Variants in TCF7L1 observed in about 807,000 individuals in gnomAD.
TCF7L1 encodes the protein transcription factor 7 like 1.
Under a neutral mutation model 63.7 loss-of-function variants are expected in TCF7L1, and 18 were observed. The observed-to-expected ratio is 0.28, with a 90% CI of 0.20 to 0.42. TCF7L1 has a LOEUF of 0.42. Among genes scored for constraint, TCF7L1 ranks in the 10% least tolerant of loss-of-function variants. TCF7L1 has a pLI of 1.00. For missense variants in TCF7L1, 654 were observed against 779.3 expected (o/e 0.84, Z 1.91); for synonymous variants, 355 against 340.9 (o/e 1.04, Z -0.46).
Position 85,248,604 on chromosome 2 carries a change from C to T in TCF7L1, c.442-34891C>T, listed in dbSNP as rs184428712. Among the ~76,000 whole-genome samples the T allele has an allele frequency of 3.1e-4, 47 of 152,236 alleles. 1 individual carries two copies. The East Asian group carries it at 7.5e-3, about 24-fold the overall frequency. On this transcript the variant is annotated intron_variant, in intron 3 of 11. Coordinates refer to ENST00000282111, the MANE Select transcript of TCF7L1 (RefSeq NM_031283.3). The stretch of plus-strand genomic sequence containing the variant: ...CTGACAACATTTGTTTAATTTTTAT[C>T]GTTGTGGGGCCTTTTGGGAGGGAGG...
chr2:85,304,309 C>T lies in TCF7L1; in HGVS notation c.816C>T (p.Pro272=), dbSNP rs753802902. 34 of 1,613,994 alleles carry T rather than the reference C, an allele frequency of 2.1e-5. No homozygotes were observed. Among genetic ancestry groups the T allele is most frequent in the Admixed American group, 6.7e-5 (4 of 59,992 alleles). The change falls in exon 7 of 12, where the codon CCC becomes CCT. Residue 272 remains proline (P), a synonymous_variant. Coordinates refer to ENST00000282111, the MANE Select transcript of TCF7L1 (RefSeq NM_031283.3). Reference sequence around the variant, plus strand: ...CCGGTGGCTTCCGGCACCCTTACCCCGCCCTCGCCATGAACGCCTCGATGT... The same window carrying T: ...CCGGTGGCTTCCGGCACCCTTACCCTGCCCTCGCCATGAACGCCTCGATGT... ...LPPGGFRHPY[P]ALAMNASMSS...
chr2:85,144,171 T>C (rs79698221), intron 3 of TCF7L1, among the ~76,000 whole-genome samples: 2 of 152,306 alleles, frequency 1.3e-5, no homozygotes, highest in East Asian at 1.9e-4. Context: ...TATTTCCTTA[T>C]GGTTCATCTT....
At chr2:85,184,519 T>G (rs1451705840) in intron 3 of TCF7L1, among the ~76,000 whole-genome samples, 1 of 152,162 alleles carries the variant, frequency 6.6e-6, no homozygotes, top group Admixed American at 6.5e-5. Flanking sequence ...TCCTTGGTGG[T>G]TCTGGTGTCT....
intron 3 of TCF7L1, among the ~76,000 whole-genome samples, chr2:85,224,766 T>C (rs1679921096): frequency 6.6e-6 from 1 of 152,244 alleles, no homozygotes; most frequent in South Asian, 2.1e-4. Context: ...TATCTTTTGC[T>C]GTGCAGAAGC....
At chr2:85,192,806 G>A (rs1472161593) in intron 3 of TCF7L1, among the ~76,000 whole-genome samples, 1 of 151,472 alleles carries the variant, frequency 6.6e-6, no homozygotes, top group African/African-American at 2.4e-5. Flanking sequence ...TCCCGAGTAA[G>A]TGGGATACAG....
chr2:85,283,625 C>CCTTTGG, intron 4 of TCF7L1, 47 bp downstream of exon 4: 1 of 1,593,246 alleles, frequency 6.3e-7, no homozygotes, highest in Non-Finnish European at 8.6e-7. Context: ...TATTAGTGGC[C>CCTTTGG]TCATCCCATG....
rs778046248 is a variant in TCF7L1, at chr2:85,309,072, GC to G, written c.1383del (p.Glu462ArgfsTer141). Reference sequence around the variant, plus strand: ...GCAAGAAGCCATGTGTTCAGTACCTGCCCCCCGAGAAGCCCTGTGACAGCCC... The same window carrying G: ...GCAAGAAGCCATGTGTTCAGTACCTGCCCCCGAGAAGCCCTGTGACAGCCC... Reference protein sequence around the residue: ...KSKKPCVQYLPPEKPCDSPAS... With the variant: ...KSKKPCVQYLXPEKPCDSPAS... On this transcript the variant is annotated frameshift_variant, in exon 12 of 12. Transcript: ENST00000282111. LOFTEE classifies it high-confidence loss of function. 1.9e-6 allele frequency: 3 copies of G among 1,611,872 alleles called. No homozygotes were observed. The highest frequency in any genetic ancestry group is 2.5e-6 in the Non-Finnish European group (3 of 1,179,200).
At chr2:85,180,403 C>G (rs1051321450) in intron 3 of TCF7L1, among the ~76,000 whole-genome samples, 1 of 151,848 alleles carries the variant, frequency 6.6e-6, no homozygotes, top group Non-Finnish European at 1.5e-5. Context: ...TGTGTGAGCC[C>G]AGCTACCTGG....
intron 3 of TCF7L1, among the ~76,000 whole-genome samples, chr2:85,140,487 T>C (rs1308625980): frequency 1.3e-5 from 2 of 151,648 alleles, no homozygotes; most frequent in Non-Finnish European, 2.9e-5. Flanking sequence ...TTTTCCTCCA[T>C]GGTGGAAGCT....
chr2:85,176,486 G>C (rs1478902447), intron 3 of TCF7L1, among the ~76,000 whole-genome samples: 1 of 152,138 alleles, frequency 6.6e-6, no homozygotes, highest in Non-Finnish European at 1.5e-5. Flanking sequence ...CCATTCCACT[G>C]TCTGGAGTCC....
At chr2:85,270,750 C>T (rs932910889) in intron 3 of TCF7L1, among the ~76,000 whole-genome samples, 8 of 151,004 alleles carry the variant, frequency 5.3e-5, no homozygotes, top group South Asian at 4.2e-4. Flanking sequence ...AGTGCAGTGG[C>T]GCAATCACAG....
At chr2:85,151,461 G>A (rs1678012512) in intron 3 of TCF7L1, among the ~76,000 whole-genome samples, 1 of 152,020 alleles carries the variant, frequency 6.6e-6, no homozygotes, top group African/African-American at 2.4e-5. Flanking sequence ...AATAGATGTT[G>A]TTTTCCATCA....
At position 85,306,672 on chromosome 2, in the gene TCF7L1, A is replaced by G. The variant is rs1242225269; in HGVS notation, c.1257+113A>G. On this transcript the variant is annotated intron_variant, in intron 10 of 11. Transcript: ENST00000282111. The surrounding 1 kb of genome is among the most constrained non-coding windows in gnomAD (Gnocchi z 4.3). The stretch of plus-strand genomic sequence containing the variant: ...ATTTTTATTTATTTTATTTTCTTTT[A>G]TTTTTTGAGACAGAGGCTCACCCTG... The G allele has an allele frequency of 4.4e-6, 4 of 913,774 alleles. No homozygotes were observed. The highest frequency in any genetic ancestry group is 3.3e-5 in the African/African-American group (2 of 59,800). The allele number at this position is 913,774 out of a possible 1,614,324, so 56.6% of individuals were successfully genotyped here.
At chr2:85,286,704 A>G (rs933537079) in intron 4 of TCF7L1, among the ~76,000 whole-genome samples, 2 of 152,144 alleles carry the variant, frequency 1.3e-5, no homozygotes, top group African/African-American at 4.8e-5. Flanking sequence ...CACGTTGGTC[A>G]GACTGGTCTC....
chr2:85,240,905 G>A (rs987615784), intron 3 of TCF7L1, among the ~76,000 whole-genome samples: 7 of 152,134 alleles, frequency 4.6e-5, no homozygotes, highest in Non-Finnish European at 5.9e-5. Context: ...AGAGAAAAAT[G>A]TGTTTCTTTC....
intron 3 of TCF7L1, among the ~76,000 whole-genome samples, chr2:85,254,565 G>T (rs558221519): frequency 2.0e-5 from 3 of 152,162 alleles, no homozygotes; most frequent in Non-Finnish European, 2.9e-5. Context: ...CCAGCACCCC[G>T]ATCCACATTA....
chr2:85,261,222 AT>A (rs1680851171), intron 3 of TCF7L1, among the ~76,000 whole-genome samples: 1 of 149,194 alleles, frequency 6.7e-6, no homozygotes, highest in African/African-American at 2.5e-5. Context: ...TATTAGTAGA[AT>A]TTTTTCAGCC....
At chr2:85,232,124 G>A (rs1573001792) in intron 3 of TCF7L1, among the ~76,000 whole-genome samples, 1 of 152,156 alleles carries the variant, frequency 6.6e-6, no homozygotes, top group Admixed American at 6.5e-5. Flanking sequence ...CAGCCCACAA[G>A]GCGATCGGGT....
Position 85,257,271 on chromosome 2 carries a change from C to A in TCF7L1, c.442-26224C>A, listed in dbSNP as rs561386841. Among the ~76,000 whole-genome samples, 263 of 152,128 alleles carry A rather than the reference C, an allele frequency of 1.7e-3. 2 individuals carry two copies. In the Middle Eastern group the frequency reaches 0.02, roughly 12 times the overall value. On this transcript the variant is annotated intron_variant, in intron 3 of 11. Transcript: ENST00000282111. The stretch of plus-strand genomic sequence containing the variant: ...TACTTGCTTATGTATACATATTACA[C>A]CTTAGTTTTAAATATTTTAAATTAA...
Sources: allele counts gnomAD v4.1 joint callset (sites outside exome capture counted in the v4.1 genomes callset), GRCh38; gene constraint gnomAD v4.1.1; non-coding constraint Gnocchi (gnomAD v3.1); transcripts MANE v1.5; gene names NCBI Gene and HGNC (gene_info 2026-07-23, HGNC 2026-07-21).